Variants in OSBPL10 observed in about 807,000 individuals in gnomAD.
The protein encoded by OSBPL10 is oxysterol binding protein like 10, also known as oxysterol-binding protein-related protein 10.
In OSBPL10, 49 loss-of-function variants were observed where a neutral mutation model predicts 81.7. The ratio of observed to expected loss-of-function variants is 0.60; its 90% CI spans 0.48 to 0.76. The LOEUF (loss-of-function observed/expected upper bound fraction) is 0.76, where lower values mean the gene tolerates loss of function less well. Among genes scored for constraint, OSBPL10 ranks in the 30% least tolerant of loss-of-function variants. OSBPL10 has a pLI of 0.00. For missense variants in OSBPL10, 923 were observed against 987.8 expected (o/e 0.93, Z 0.88); for synonymous variants, 419 against 383.6 (o/e 1.09, Z -1.08).
intron 2 of OSBPL10, chr3:31,989,632 G>A (rs774082577): frequency 1.5e-5 from 25 of 1,614,028 alleles, no homozygotes; most frequent in African/African-American, 2.7e-5. Context: ...GTCTATCAAC[G>A]ATGCTTCCTC....
intron 4 of OSBPL10, among the ~76,000 whole-genome samples, chr3:31,789,174 C>T (rs1338009806): frequency 1.3e-5 from 2 of 152,168 alleles, no homozygotes; most frequent in Non-Finnish European, 2.9e-5. Flanking sequence ...AGAGGGGTTT[C>T]ACCATGTTGG....
chr3:31,872,496 C>T (rs1272514631), intron 3 of OSBPL10, among the ~76,000 whole-genome samples: 1 of 147,204 alleles, frequency 6.8e-6, no homozygotes, highest in Non-Finnish European at 1.5e-5. Flanking sequence ...TAGGGTTATT[C>T]ACACTTTCAA....
intron 1 of OSBPL10, among the ~76,000 whole-genome samples, chr3:31,901,996 C>T (rs527851164): frequency 6.6e-6 from 1 of 152,242 alleles, no homozygotes; most frequent in South Asian, 2.1e-4. Context: ...CACCACTGCA[C>T]TCCAGCCTGG....
chr3:31,893,372 G>C (rs1695956926), intron 1 of OSBPL10, among the ~76,000 whole-genome samples: 1 of 152,148 alleles, frequency 6.6e-6, no homozygotes, highest in Non-Finnish European at 1.5e-5. Context: ...TGAGATTCCA[G>C]TTCACACCCA....
chr3:31,699,335 A>T (rs1009193851), intron 7 of OSBPL10, among the ~76,000 whole-genome samples: 2 of 152,164 alleles, frequency 1.3e-5, no homozygotes, highest in Non-Finnish European at 2.9e-5. Flanking sequence ...GGTTCAATGG[A>T]GCCACTCACC....
chr3:31,867,228 G>A (rs1020710625), intron 3 of OSBPL10, among the ~76,000 whole-genome samples: 1 of 152,156 alleles, frequency 6.6e-6, no homozygotes, highest in African/African-American at 2.4e-5. Context: ...TAAGCGCCAG[G>A]AGAGAGTCAG....
intron 3 of OSBPL10, among the ~76,000 whole-genome samples, chr3:31,875,851 A>C (rs1448688640): frequency 6.6e-6 from 1 of 152,140 alleles, no homozygotes. Flanking sequence ...GCATTTTGAA[A>C]TTGTTTCCTG....
chr3:32,039,702 A>G (rs1452709924), intron 2 of OSBPL10, among the ~76,000 whole-genome samples: 2 of 152,182 alleles, frequency 1.3e-5, no homozygotes, highest in Non-Finnish European at 2.9e-5. Context: ...TTTAAGGAGA[A>G]GCAAACAAAA....
intron 4 of OSBPL10, among the ~76,000 whole-genome samples, chr3:31,788,161 G>C (rs1223874057): frequency 6.6e-6 from 1 of 152,154 alleles, no homozygotes; most frequent in Non-Finnish European, 1.5e-5. Context: ...CCTGTATCTA[G>C]ATTTCAGAGA....
chr3:31,703,731 T>A (rs1695971452), intron 6 of OSBPL10: 1 of 152,154 alleles, frequency 6.6e-6, no homozygotes, highest in South Asian at 2.1e-4. Context: ...ACAGACATAC[T>A]CCTAAGGTGT....
At chr3:31,705,761 C>T (rs1311703280) in intron 6 of OSBPL10, among the ~76,000 whole-genome samples, 1 of 152,170 alleles carries the variant, frequency 6.6e-6, no homozygotes, top group East Asian at 1.9e-4. Flanking sequence ...CCCCTGCACG[C>T]CTCCCCTCTC....
At chr3:31,784,010 A>G (rs1327512763) in intron 4 of OSBPL10, among the ~76,000 whole-genome samples, 1 of 151,206 alleles carries the variant, frequency 6.6e-6, no homozygotes, top group Non-Finnish European at 1.5e-5. Flanking sequence ...GATTCACCAC[A>G]GAAACTTGTG....
chr3:31,667,454 T>C (rs1700218592), intron 10 of OSBPL10, among the ~76,000 whole-genome samples: 1 of 152,268 alleles, frequency 6.6e-6, no homozygotes, highest in Non-Finnish European at 1.5e-5. Flanking sequence ...AACCCAGTTA[T>C]TAATATAATG....
chr3:32,076,579 G>T (rs912695181), intron 1 of OSBPL10, among the ~76,000 whole-genome samples: 1 of 152,008 alleles, frequency 6.6e-6, no homozygotes, highest in Non-Finnish European at 1.5e-5. Flanking sequence ...ACTGTCCAAT[G>T]GGTTCATCTT....
chr3:31,728,498 A>C (rs1384907504), intron 6 of OSBPL10, among the ~76,000 whole-genome samples: 1 of 152,240 alleles, frequency 6.6e-6, no homozygotes, highest in African/African-American at 2.4e-5. Context: ...AATATGAGAA[A>C]TTTAAAGTTA....
intron 7 of OSBPL10, among the ~76,000 whole-genome samples, chr3:31,690,081 G>T (rs1695482809): frequency 6.6e-6 from 1 of 151,692 alleles, no homozygotes; most frequent in Non-Finnish European, 1.5e-5. Context: ...AAGAATATAT[G>T]GGAGTTGATA....
intron 1 of OSBPL10, among the ~76,000 whole-genome samples, chr3:31,979,432 TA>T (rs2125503346): frequency 6.6e-6 from 1 of 152,324 alleles, no homozygotes; most frequent in African/African-American, 2.4e-5. Context: ...TTCGTGCAGA[TA>T]ACTGGCTGAT....
At chr3:31,733,085 T>C (rs1697027724) in intron 6 of OSBPL10, 172 bp downstream of exon 6, 3 of 799,734 alleles carry the variant, frequency 3.8e-6, no homozygotes, top group Admixed American at 3.2e-5. Context: ...CACAAGAACA[T>C]GAGAAGTGCC....
chr3:31,856,265 A>G (rs1335820318), intron 3 of OSBPL10, among the ~76,000 whole-genome samples: 8 of 152,158 alleles, frequency 5.3e-5, no homozygotes, highest in Non-Finnish European at 1.0e-4. Context: ...AATTAAAAAA[A>G]TCCCCAAACT....
Sources: allele counts gnomAD v4.1 joint callset (sites outside exome capture counted in the v4.1 genomes callset), GRCh38; gene constraint gnomAD v4.1.1; transcripts MANE v1.5; gene names NCBI Gene and HGNC (gene_info 2026-07-23, HGNC 2026-07-21).